MAL: variants seen among roughly 807,000 people sequenced by gnomAD.
MAL encodes mal, T cell differentiation protein (MAL blood group).
MAL carries 5 observed loss-of-function variants against 16.7 expected under a neutral mutation model. The observed-to-expected ratio is 0.30, with a 90% CI of 0.16 to 0.63. The LOEUF (loss-of-function observed/expected upper bound fraction) is 0.63. Among genes scored for constraint, MAL ranks in the 30% least tolerant of loss-of-function variants. MAL has a pLI of 0.82. For synonymous variants in MAL, 96 were observed against 85.5 expected, an observed-to-expected ratio of 1.12 and a Z score of -0.67; for missense variants, 202 against 195.8, an observed-to-expected ratio of 1.03 and a Z score of -0.19.
chr2:95,035,088 G>A (rs375281173), intron 1 of MAL, among the ~76,000 whole-genome samples: 59 of 152,206 alleles, frequency 3.9e-4, no homozygotes, highest in Non-Finnish European at 4.6e-4. Flanking sequence ...ACTGACAAAG[G>A]CTGCCAGTCC....
chr2:95,046,221 T>C (rs1674582465), intron 1 of MAL, among the ~76,000 whole-genome samples: 1 of 152,184 alleles, frequency 6.6e-6, no homozygotes, highest in African/African-American at 2.4e-5. Context: ...CAAGGTGCTA[T>C]GTGAATTCAA....
chr2:95,038,679 AC>A (rs1674333524), intron 1 of MAL, among the ~76,000 whole-genome samples: 1 of 151,526 alleles, frequency 6.6e-6, no homozygotes, highest in African/African-American at 2.4e-5. Flanking sequence ...TGAGTGACTG[AC>A]TGAGTGAGTG....
At chr2:95,042,196 C>G (rs1216428396) in intron 1 of MAL, among the ~76,000 whole-genome samples, 1 of 152,170 alleles carries the variant, frequency 6.6e-6, no homozygotes, top group Non-Finnish European at 1.5e-5. Flanking sequence ...TGGGCAGGAC[C>G]TGGAGGGGGG....
At chr2:95,052,776 C>G (rs772391121) in intron 3 of MAL, among the ~76,000 whole-genome samples, 2 of 152,166 alleles carry the variant, frequency 1.3e-5, no homozygotes, top group Non-Finnish European at 2.9e-5. Flanking sequence ...AACAGTAAGG[C>G]CCCTCCTTTA....
rs186192265 is a variant in MAL, at chr2:95,035,912, G to A, written c.93+10027G>A. Reference sequence around the variant, plus strand: ...TCTCAATCTCCTGACCTCGTGATCCGCTCACCTCAGCCTCCCCAAGTGCTG... The same window carrying A: ...TCTCAATCTCCTGACCTCGTGATCCACTCACCTCAGCCTCCCCAAGTGCTG... On this transcript the variant is annotated intron_variant, in intron 1 of 3. Coordinates refer to ENST00000309988, the MANE Select transcript of MAL (RefSeq NM_002371.4). 3.5e-3 allele frequency among the ~76,000 whole-genome samples: 530 copies of A among 152,136 alleles called. 1 individual carries two copies. Among genetic ancestry groups the A allele is most frequent in the Non-Finnish European group, 5.7e-3 (386 of 67,982 alleles).
intron 1 of MAL, among the ~76,000 whole-genome samples, chr2:95,036,204 G>T (rs1329549459): frequency 2.0e-5 from 3 of 152,168 alleles, no homozygotes; most frequent in Admixed American, 6.5e-5. Context: ...CGCTCCCAGG[G>T]TTCTCTTTGG....
chr2:95,052,397 C>T (rs1307728989), intron 3 of MAL, among the ~76,000 whole-genome samples: 1 of 152,194 alleles, frequency 6.6e-6, no homozygotes, highest in Admixed American at 6.5e-5. Flanking sequence ...TGGTGTCTGA[C>T]TGCTCCTGCC....
rs577290749 is a variant in MAL, at chr2:95,049,623, G to A, written c.304G>A (p.Ala102Thr). ...HCTAALFYLS[A>T]SVLEALATIT... is the part of the protein sequence containing the mutation. ...CACCGCTGCCCTCTTTTACCTCAGCGCCTCAGTCCTGGAGGCCCTGGCCAC... is the reference window on the plus strand; with the variant it reads ...CACCGCTGCCCTCTTTTACCTCAGCACCTCAGTCCTGGAGGCCCTGGCCAC... Residue 102 changes from alanine to threonine, a missense_variant, in exon 3 of 4, where the codon GCC becomes ACC. Coordinates refer to ENST00000309988, the MANE Select transcript of MAL (RefSeq NM_002371.4). The A allele has an allele frequency of 1.2e-5, 19 of 1,614,162 alleles. No homozygotes were observed. The highest frequency in any genetic ancestry group is 6.7e-5 in the Admixed American group (4 of 60,020).
At chr2:95,032,435 A>G (rs970549649) in intron 1 of MAL, among the ~76,000 whole-genome samples, 18 of 152,030 alleles carry the variant, frequency 1.2e-4, no homozygotes, top group Non-Finnish European at 2.1e-4. Context: ...GACTTAAGCC[A>G]CTCCAGGGCT....
At chr2:95,029,039 T>C (rs1674016941) in intron 1 of MAL, among the ~76,000 whole-genome samples, 2 of 152,262 alleles carry the variant, frequency 1.3e-5, no homozygotes, top group Admixed American at 1.3e-4. Flanking sequence ...ATTGGTTTGA[T>C]GATATGTGAA....
rs532490138 is a variant in MAL, at chr2:95,034,360, C to T, written c.93+8475C>T. 9.2e-5 allele frequency among the ~76,000 whole-genome samples: 14 copies of T among 152,306 alleles called. No individual in the cohort carries two copies. The East Asian group carries it at 2.5e-3, about 27-fold the overall frequency. On this transcript the variant is annotated intron_variant, in intron 1 of 3. Coordinates refer to ENST00000309988, the MANE Select transcript of MAL (RefSeq NM_002371.4). ...TGGCAGCCCCAGCCTGCCTTCTGCC[C>T]AGGGAGCAGGCTGCTTTCTAAGCCT...
chr2:95,053,914 A>T lies in MAL; in HGVS notation c.*459A>T, dbSNP rs1309837427. 1 of 164,978 alleles carries T rather than the reference A, an allele frequency of 6.1e-6. No individual in the cohort carries two copies. The highest frequency in any genetic ancestry group is 5.9e-5 in the Admixed American group (1 of 17,038). 10.2% of individuals were successfully genotyped at this position (164,978 alleles called of 1,614,324 possible). On this transcript the variant is annotated 3_prime_UTR_variant, in exon 4 of 4. Transcript: ENST00000309988. ...CTGCATGTCATGGGGACTAAAACTC[A>T]CCCAACAGATCTTTCCAGAGGTCCA...
chr2:95,038,925 TA>T (rs1674347848), intron 1 of MAL, among the ~76,000 whole-genome samples: 1 of 149,522 alleles, frequency 6.7e-6, no homozygotes, highest in African/African-American at 2.5e-5. Context: ...AGTGACTGAG[TA>T]GGTGAGTGAG....
intron 3 of MAL, 160 bp from the exon 4 acceptor site, chr2:95,053,221 G>T: frequency 4.5e-6 from 3 of 670,598 alleles, no homozygotes; most frequent in Non-Finnish European, 5.4e-6. Flanking sequence ...TGCACACCTG[G>T]GCTCAGCAGG....
chr2:95,035,811 A>G (rs2104336392), intron 1 of MAL, among the ~76,000 whole-genome samples: 1 of 151,634 alleles, frequency 6.6e-6, no homozygotes, highest in South Asian at 2.1e-4. Flanking sequence ...CTGGGACTAC[A>G]GGCGCCCACC....
chr2:95,040,254 T>C (rs1169099252), intron 1 of MAL, among the ~76,000 whole-genome samples: 1 of 151,820 alleles, frequency 6.6e-6, no homozygotes, highest in Admixed American at 6.6e-5. Context: ...TACACATACA[T>C]ACACATGCAC....
At chr2:95,031,021 A>C (rs1380081215) in intron 1 of MAL, among the ~76,000 whole-genome samples, 2 of 152,182 alleles carry the variant, frequency 1.3e-5, no homozygotes, top group Non-Finnish European at 2.9e-5. Context: ...TAGGTGGTCC[A>C]AGCTGTGGCT....
chr2:95,053,058 T>C (rs1272466141), intron 3 of MAL: 3 of 264,724 alleles, frequency 1.1e-5, no homozygotes, highest in Non-Finnish European at 2.1e-5. Flanking sequence ...TGAGATGCTT[T>C]CATTGGAGGG....
At chr2:95,036,361 C>T (rs935854244) in intron 1 of MAL, among the ~76,000 whole-genome samples, 1 of 152,196 alleles carries the variant, frequency 6.6e-6, no homozygotes, top group African/African-American at 2.4e-5. Flanking sequence ...GGGCTCTGTA[C>T]CTGTCCTGTG....
Sources: allele counts gnomAD v4.1 joint callset (sites outside exome capture counted in the v4.1 genomes callset), GRCh38; gene constraint gnomAD v4.1.1; transcripts MANE v1.5; gene names NCBI Gene and HGNC (gene_info 2026-07-23, HGNC 2026-07-21).